Variants in AMZ2 observed in about 807,000 individuals in gnomAD.
AMZ2 encodes the protein archaelysin family metallopeptidase 2, also known as archaemetzincin-2.
In AMZ2, 26 loss-of-function variants were observed where a neutral mutation model predicts 36.7. The ratio of observed to expected loss-of-function variants is 0.71; its 90% CI spans 0.52 to 0.98. AMZ2 has a LOEUF of 0.98. AMZ2 is among the 50% of genes least tolerant of loss of function. The pLI is 0.00. For missense variants in AMZ2, 394 were observed against 430.5 expected, an observed-to-expected ratio of 0.92 and a Z score of 0.75; for synonymous variants, 144 against 149.1, an observed-to-expected ratio of 0.97 and a Z score of 0.25.
At chr17:68,222,865 T>G (rs2073404548) in intron 1 of AMZ2, among the ~76,000 whole-genome samples, 2 of 152,296 alleles carry the variant, frequency 1.3e-5, no homozygotes, top group South Asian at 2.1e-4. Context: ...GCCCAGTTCC[T>G]AACAAACTAT....
chr17:68,239,226 T>C (rs1396871169), intron 1 of AMZ2, among the ~76,000 whole-genome samples: 3 of 152,134 alleles, frequency 2.0e-5, no homozygotes, highest in Non-Finnish European at 4.4e-5. Context: ...TTTTCTACTT[T>C]CCCAACTCCC....
chr17:68,256,757 T>A (rs1555742959), intron 6 of AMZ2, 57 bp from the exon 7 acceptor site: 1 of 1,573,684 alleles, frequency 6.4e-7, no homozygotes, highest in Non-Finnish European at 8.6e-7. Context: ...GCTTCTCTCT[T>A]GCCTGATGGT....
rs1555739457 is a variant in AMZ2 at position 68,251,030 on chromosome 17, A to C, written c.458-20A>C. 1.2e-6 allele frequency: 2 copies of C among 1,606,792 alleles called. No homozygotes were observed. Among genetic ancestry groups the C allele is most frequent in the East Asian group, 4.5e-5 (2 of 44,840 alleles). On this transcript the variant is annotated intron_variant, in intron 3 of 6. Coordinates refer to ENST00000359904, the MANE Select transcript of AMZ2 (RefSeq NM_016627.5). ...GTATATAATATACACTCATACATTT[A>C]TGTATTTCTTTTTAAATAGGGGACA...
intron 2 of AMZ2, 36 bp from the exon 3 acceptor site, chr17:68,250,758 T>C: frequency 6.6e-7 from 1 of 1,513,202 alleles, no homozygotes; most frequent in Non-Finnish European, 8.9e-7. Flanking sequence ...AATAATCATC[T>C]TAAAGTCTGT....
chr17:68,228,880 T>C (rs545210825), intron 1 of AMZ2, among the ~76,000 whole-genome samples: 12 of 152,374 alleles, frequency 7.9e-5, no homozygotes, highest in African/African-American at 2.9e-4. Context: ...GCACTGCTGC[T>C]TCCGCGTGTG....
intron 1 of AMZ2, among the ~76,000 whole-genome samples, chr17:68,209,620 A>ATATATATATATATATATATATG (rs1221082507): frequency 2.5e-5 from 2 of 80,472 alleles, no homozygotes; most frequent in South Asian, 4.3e-4. Flanking sequence ...GTATATATAT[A>ATATATATATATATATATATATG]TATATATATA....
At chr17:68,232,926 A>T (rs2073700061) in intron 1 of AMZ2, among the ~76,000 whole-genome samples, 1 of 152,222 alleles carries the variant, frequency 6.6e-6, no homozygotes, top group Admixed American at 6.5e-5. Context: ...CTTATTGTGG[A>T]GATGCACTTG....
At chr17:68,244,230 C>T (rs1234868478), upstream of AMZ2, among the ~76,000 whole-genome samples, 23 of 152,158 alleles carry the variant, frequency 1.5e-4, no homozygotes, top group Admixed American at 1.2e-3. Flanking sequence ...TACTTATGAA[C>T]TGTGCTTGAT....
intron 1 of AMZ2, among the ~76,000 whole-genome samples, chr17:68,209,600 G>T (rs961255392): frequency 1.7e-4 from 21 of 121,200 alleles, no homozygotes; most frequent in African/African-American, 6.9e-4. Context: ...GTGTGTGTGT[G>T]TGTGTATATG....
intron 1 of AMZ2, among the ~76,000 whole-genome samples, chr17:68,218,174 A>C (rs1370348305): frequency 3.3e-5 from 5 of 152,206 alleles, no homozygotes; most frequent in Non-Finnish European, 7.3e-5. Flanking sequence ...TATTCAGCAT[A>C]TAACTTAGAG....
chr17:68,230,609 C>T (rs1366614374), intron 1 of AMZ2, among the ~76,000 whole-genome samples: 3 of 152,220 alleles, frequency 2.0e-5, no homozygotes, highest in Non-Finnish European at 2.9e-5. Context: ...TCAAGGGATG[C>T]AGGGATGTGT....
At chr17:68,242,597 G>C (rs1479084065) in intron 1 of AMZ2, among the ~76,000 whole-genome samples, 2 of 152,088 alleles carry the variant, frequency 1.3e-5, no homozygotes, top group Admixed American at 6.6e-5. Flanking sequence ...TTTTTTAGTA[G>C]AGATGGGGTT....
At chr17:68,214,440 C>T (rs538600093) in intron 1 of AMZ2, among the ~76,000 whole-genome samples, 2 of 152,244 alleles carry the variant, frequency 1.3e-5, no homozygotes, top group South Asian at 2.1e-4. Flanking sequence ...CTATGTATAT[C>T]GTCACTTAAA....
chr17:68,235,345 T>G lies in AMZ2; in HGVS notation c.-66-13295T>G, dbSNP rs2073761272. Among the ~76,000 whole-genome samples the G allele has an allele frequency of 6.6e-6, 1 of 152,114 alleles. No homozygotes were observed. The highest frequency in any genetic ancestry group is 2.4e-5 in the African/African-American group (1 of 41,446). ...GGAGCTGTTCCCATGTCTTATTTAA[T>G]TCTCTCATTAAGCCTGTGGGCCAGA... On this transcript the variant is annotated intron_variant, in intron 1 of 7. Coordinates refer to the AMZ2 transcript ENST00000674770. This position sits in a 1 kb window ranked among gnomAD's most constrained non-coding sequence, Gnocchi z 4.2.
At chr17:68,207,625 T>C (rs1219160320) in intron 1 of AMZ2, 7 of 152,218 alleles carry the variant, frequency 4.6e-5, no homozygotes, top group Non-Finnish European at 5.9e-5. Context: ...ACTGGAGAAG[T>C]AGAGTAGTAT....
chr17:68,236,545 T>C (rs1237261207), intron 1 of AMZ2, among the ~76,000 whole-genome samples: 1 of 150,704 alleles, frequency 6.6e-6, no homozygotes, highest in Non-Finnish European at 1.5e-5. Flanking sequence ...CTTCTAACAT[T>C]ATTAACATTT....
chr17:68,221,557 C>G (rs2073367463), intron 1 of AMZ2, among the ~76,000 whole-genome samples: 1 of 151,954 alleles, frequency 6.6e-6, no homozygotes, highest in Non-Finnish European at 1.5e-5. Context: ...GAAACCCCAT[C>G]TCTACTAAAA....
intron 1 of AMZ2, among the ~76,000 whole-genome samples, chr17:68,240,425 A>G (rs1357503721): frequency 6.6e-6 from 1 of 152,228 alleles, no homozygotes; most frequent in Non-Finnish European, 1.5e-5. Flanking sequence ...GTAAGTATTC[A>G]AAAGAAAAGA....
At chr17:68,221,212 C>CG (rs2060269893) in intron 1 of AMZ2, among the ~76,000 whole-genome samples, 1 of 80,934 alleles carries the variant, frequency 1.2e-5, no homozygotes, top group African/African-American at 4.8e-5. Context: ...CCTCAGCTCC[C>CG]CCCCCCGCCC....
Sources: gnomAD v4.1 joint callset for allele counts (sites outside exome capture counted in the v4.1 genomes callset) on GRCh38, gnomAD v4.1.1 for gene constraint, Gnocchi (gnomAD v3.1) non-coding constraint, MANE v1.5 for transcripts, NCBI Gene and HGNC (gene_info 2026-07-23, HGNC 2026-07-21) for gene names.